The following MCOLN2 variants were observed in gnomAD, a reference collection of about 807,000 sequenced individuals.
MCOLN2 encodes mucolipin-2.
In MCOLN2, 57 loss-of-function variants were observed where a neutral mutation model predicts 67.5. The ratio of observed to expected loss-of-function variants is 0.84; its 90% CI spans 0.68 to 1.05. MCOLN2 has a LOEUF of 1.05. MCOLN2 is among the 50% of genes least tolerant of loss of function. The pLI is 0.00. For synonymous variants in MCOLN2, 246 were observed against 233.3 expected, an observed-to-expected ratio of 1.05 and a Z score of -0.50; for missense variants, 620 against 678.8, an observed-to-expected ratio of 0.91 and a Z score of 0.96.
chr1:84,980,067 C>G (rs780157778), intron 1 of MCOLN2, among the ~76,000 whole-genome samples: 1 of 152,064 alleles, frequency 6.6e-6, no homozygotes, highest in African/African-American at 2.4e-5. Context: ...AAAGTACTCC[C>G]ATTTACAATA....
Position 84,958,658 on chromosome 1 carries a change from T to C in MCOLN2, c.282A>G (p.Lys94=), listed in dbSNP as rs1184562148. 2 of 1,596,212 alleles carry C rather than the reference T, an allele frequency of 1.3e-6. No individual in the cohort carries two copies. The part of the protein sequence containing the change: ...GLSNQLVVAF[K]EDNTVAFKHL... ...GCTTAAAAGCAACAGTGTTATCTTC[T>C]TTGAAAGCAACCACCAGCTGGTTAC... is the stretch of plus-strand genomic sequence containing the variant. Residue 94 remains lysine, a synonymous_variant, in exon 3 of 14, where the codon AAA becomes AAG. Transcript: ENST00000370608.
Position 84,956,526 on chromosome 1 carries a change from T to C in MCOLN2, c.470A>G (p.Asn157Ser). 1.2e-6 allele frequency: 2 copies of C among 1,611,892 alleles called. No homozygotes were observed. Among genetic ancestry groups the C allele is most frequent in the Non-Finnish European group, 1.7e-6 (2 of 1,179,264 alleles). ...GTLGYGENED[N>S]RIGLKVCKQH... ...CTTACAGACTTTTAAGCCAATTCTA[T>C]TGTCTTCATTTTCTCCATAACCAAG... The change falls in exon 4 of 14, where the codon AAT (asparagine) becomes AGT (serine). Residue 157 changes from asparagine to serine, a missense_variant. Transcript: ENST00000370608.
chr1:84,996,393 C>CATATATATATATATATATATATATAT (rs6143310), intron 1 of MCOLN2, among the ~76,000 whole-genome samples: 4 of 123,948 alleles, frequency 3.2e-5, no homozygotes, highest in African/African-American at 6.9e-5. Flanking sequence ...GTATATATTT[C>CATATATATATATATATATATATATAT]ATATATATAT....
In MCOLN2 at chr1:84,931,521, G is replaced by A. The variant is rs780804639; in HGVS notation, c.1383C>T (p.Asn461=). Residue 461 remains asparagine (N), a synonymous_variant, in exon 12 of 14, where the codon AAC becomes AAT. Transcript: ENST00000370608. ...CAAAGGTTGCAAACATGTCATCACC[G>A]TTGACCAGAGAAAACAGACACTCAG... ...TVAECLFSLV[N]GDDMFATFAQ... The A allele has an allele frequency of 3.7e-5, 60 of 1,613,938 alleles. No homozygotes were observed. The highest frequency in any genetic ancestry group is 5.5e-5 in the South Asian group (5 of 91,078).
intron 1 of MCOLN2, among the ~76,000 whole-genome samples, chr1:84,978,898 G>C (rs183217384): frequency 6.6e-6 from 1 of 152,210 alleles, no homozygotes; most frequent in African/African-American, 2.4e-5. Context: ...TAAGCCATCT[G>C]CAGGTTGAGG....
At chr1:84,946,561 A>G (rs1038381645) in intron 7 of MCOLN2, among the ~76,000 whole-genome samples, 1 of 152,238 alleles carries the variant, frequency 6.6e-6, no homozygotes, top group Admixed American at 6.5e-5. Context: ...CCGAAATCCA[A>G]AAATTCAGAA....
intron 1 of MCOLN2, among the ~76,000 whole-genome samples, chr1:84,989,198 C>G (rs6672362): frequency 0.15 from 23,510 of 152,112 alleles, 1,943 homozygotes; most frequent in East Asian, 0.26. Flanking sequence ...TTGGAAAAAA[C>G]AAATGAATCA....
intron 4 of MCOLN2, among the ~76,000 whole-genome samples, chr1:84,956,084 C>T (rs1648766500): frequency 6.6e-6 from 1 of 151,990 alleles, no homozygotes. Context: ...TACAAAACAT[C>T]TTTATGTATA....
At chr1:84,928,267 G>C (rs1014860382) in intron 13 of MCOLN2, among the ~76,000 whole-genome samples, 5 of 152,086 alleles carry the variant, frequency 3.3e-5, no homozygotes, top group African/African-American at 1.2e-4. Flanking sequence ...CACTCTTCAT[G>C]AGGGGCAGAC....
At chr1:84,987,499 C>CCTATATAAATAT (rs367546536) in intron 1 of MCOLN2, among the ~76,000 whole-genome samples, 2 of 39,126 alleles carry the variant, frequency 5.1e-5, no homozygotes, top group East Asian at 6.5e-4. Context: ...CATATGTATA[C>CCTATATAAATAT]ATAGATGTAT....
At position 84,952,533 on chromosome 1, in the gene MCOLN2, A is replaced by G. The variant is rs370165323; in HGVS notation, c.566-3T>C. On this transcript the variant is annotated splice_polypyrimidine_tract_variant and splice_region_variant and intron_variant, in intron 4 of 13. Transcript: ENST00000370608. ...CTGAAGGTCTAATTGAACACAATCT[A>G]GGGCAATGAAAGAACAAGAAATGGT... The G allele has an allele frequency of 6.3e-7, 1 of 1,597,416 alleles. No individual in the cohort carries two copies. The highest frequency in any genetic ancestry group is 2.2e-5 in the East Asian group (1 of 44,802).
chr1:84,931,431 GA>G lies in MCOLN2; in HGVS notation c.1472del (p.Ile491ThrfsTer7). ...TGAGAATCATATATATAAAAAGGCT[GA>G]TGAAGGAATATAAATACAGACGACT... is the stretch of plus-strand genomic sequence containing the variant. ...LFSRLYLYSF[I>X]SLFIYMILSL... On this transcript the variant is annotated frameshift_variant, in exon 12 of 14. Transcript: ENST00000370608. LOFTEE classifies it high-confidence loss of function. 6.2e-7 allele frequency: 1 copy of G among 1,605,778 alleles called. No homozygotes were observed. The highest frequency in any genetic ancestry group is 8.5e-7 in the Non-Finnish European group (1 of 1,172,508).
intron 13 of MCOLN2, among the ~76,000 whole-genome samples, chr1:84,927,118 T>C (rs937359402): frequency 6.6e-6 from 1 of 151,928 alleles, no homozygotes; most frequent in Non-Finnish European, 1.5e-5. Context: ...GATGATGCGT[T>C]GATAGGTGCA....
chr1:84,944,650 A>T (rs183555199), intron 7 of MCOLN2, among the ~76,000 whole-genome samples: 1 of 152,248 alleles, frequency 6.6e-6, no homozygotes, highest in Non-Finnish European at 1.5e-5. Flanking sequence ...TCCTATATTT[A>T]TGAAACCAAG....
chr1:84,976,078 T>C (rs1649982002), intron 1 of MCOLN2, among the ~76,000 whole-genome samples: 1 of 151,976 alleles, frequency 6.6e-6, no homozygotes, highest in Non-Finnish European at 1.5e-5. Flanking sequence ...GTAATTTGCC[T>C]TAAGAAGGAG....
At chr1:84,961,120 A>G (rs1649066814) in intron 2 of MCOLN2, among the ~76,000 whole-genome samples, 1 of 152,182 alleles carries the variant, frequency 6.6e-6, no homozygotes, top group Non-Finnish European at 1.5e-5. Flanking sequence ...CATTTGATAC[A>G]TATGCAATCT....
chr1:84,966,933 TACAAC>T (rs1418177590), intron 1 of MCOLN2, among the ~76,000 whole-genome samples: 2 of 152,186 alleles, frequency 1.3e-5, no homozygotes, highest in African/African-American at 4.8e-5. Context: ...AGAATATACA[TACAAC>T]ACAGCAATAT....
At chr1:84,934,867 G>C (rs1647335543) in intron 11 of MCOLN2, among the ~76,000 whole-genome samples, 1 of 152,188 alleles carries the variant, frequency 6.6e-6, no homozygotes, top group Admixed American at 6.5e-5. Context: ...TTTGCATCTT[G>C]ACTCCCTTTC....
At chr1:84,972,251 C>T (rs1649737180) in intron 1 of MCOLN2, among the ~76,000 whole-genome samples, 1 of 152,124 alleles carries the variant, frequency 6.6e-6, no homozygotes, top group African/African-American at 2.4e-5. Context: ...CTAAATTACA[C>T]AGACCCATCA....
Sources: gnomAD v4.1 joint callset for allele counts (sites outside exome capture counted in the v4.1 genomes callset) on GRCh38, gnomAD v4.1.1 for gene constraint, MANE v1.5 for transcripts, NCBI Gene and HGNC (gene_info 2026-07-23, HGNC 2026-07-21) for gene names.